ADGRL2: variants seen among roughly 807,000 people sequenced by gnomAD.
ADGRL2 encodes adhesion G protein-coupled receptor L2.
In ADGRL2, 44 loss-of-function variants were observed where a neutral mutation model predicts 157.4. The ratio of observed to expected loss-of-function variants is 0.28; its 90% CI spans 0.22 to 0.36. The LOEUF is 0.36. Ranked by LOEUF, ADGRL2 falls within the 10% of genes least tolerant of loss-of-function variation. The pLI, the probability that ADGRL2 is intolerant of heterozygous loss-of-function variation, is 1.00. For missense variants in ADGRL2, 1,510 were observed against 1,768.9 expected (o/e 0.85, Z 2.63); for synonymous variants, 585 against 624.7 (o/e 0.94, Z 0.95).
intron 2 of ADGRL2, among the ~76,000 whole-genome samples, chr1:81,458,042 A>G (rs2077842173): frequency 6.6e-6 from 1 of 152,210 alleles, no homozygotes; most frequent in African/African-American, 2.4e-5. Flanking sequence ...CAAAGGCTCA[A>G]TATGAAAAAT....
In ADGRL2 at chr1:81,912,063, A is replaced by AT. The variant is rs200749186; in HGVS notation, c.287+4842dup. On this transcript the variant is annotated intron_variant, in intron 3 of 23. Coordinates refer to ENST00000686636, the MANE Select transcript of ADGRL2 (RefSeq NM_001366006.2). ...CTACTTACATTATGATGTTTCTTTT[A>AT]TTTTTTTTTATTTTTTATTTTTTTT... 1.9e-3 allele frequency among the ~76,000 whole-genome samples: 280 copies of AT among 149,148 alleles called. 2 individuals carry two copies. In the East Asian group the frequency reaches 0.044, roughly 23 times the overall value.
intron 3 of ADGRL2, among the ~76,000 whole-genome samples, chr1:81,910,698 A>G (rs1016274876): frequency 2.6e-5 from 4 of 151,222 alleles, no homozygotes; most frequent in Admixed American, 2.6e-4. Context: ...AAGATAGTAT[A>G]AATAATTATT....
intron 2 of ADGRL2, among the ~76,000 whole-genome samples, chr1:81,794,231 A>T (rs2087481647): frequency 6.6e-6 from 1 of 152,142 alleles, no homozygotes; most frequent in Admixed American, 6.6e-5. Context: ...TGGGCTACTA[A>T]TTAGGGTAGT....
intron 3 of ADGRL2, among the ~76,000 whole-genome samples, chr1:81,612,683 A>G (rs1471520233): frequency 6.6e-6 from 1 of 152,092 alleles, no homozygotes; most frequent in Middle Eastern, 3.2e-3. Context: ...GCAAAATAAT[A>G]TATCAAAAAG....
At chr1:81,817,500 C>T (rs2090533484) in intron 1 of ADGRL2, among the ~76,000 whole-genome samples, 1 of 151,804 alleles carries the variant, frequency 6.6e-6, no homozygotes. Context: ...AATTGAAGAT[C>T]GTTCTCAATT....
At chr1:81,725,854 A>G (rs2133110) in intron 1 of ADGRL2, among the ~76,000 whole-genome samples, 116,715 of 152,000 alleles carry the variant, frequency 0.77, 45,229 homozygotes, top group African/African-American at 0.82. Context: ...GACATGGTGC[A>G]CGCCGGTAGT....
chr1:81,453,823 A>G (rs936359810), intron 2 of ADGRL2, among the ~76,000 whole-genome samples: 2 of 152,216 alleles, frequency 1.3e-5, no homozygotes, highest in African/African-American at 4.8e-5. Context: ...TTAAGGACAA[A>G]ACACATAAAT....
At chr1:81,435,940 T>C (rs2077401446) in intron 1 of ADGRL2, among the ~76,000 whole-genome samples, 1 of 151,792 alleles carries the variant, frequency 6.6e-6, no homozygotes, top group Admixed American at 6.6e-5. Flanking sequence ...CTACTAAAAA[T>C]ACAAAATTAG....
chr1:81,813,226 G>T (rs980428645), intron 1 of ADGRL2, among the ~76,000 whole-genome samples: 1 of 145,280 alleles, frequency 6.9e-6, no homozygotes, highest in African/African-American at 2.5e-5. Flanking sequence ...TTGTTGGTTG[G>T]TAAAAAATAG....
intron 2 of ADGRL2, among the ~76,000 whole-genome samples, chr1:81,844,973 A>G (rs1243685471): frequency 2.6e-5 from 4 of 152,158 alleles, no homozygotes; most frequent in Non-Finnish European, 5.9e-5. Context: ...AAAAATTAAG[A>G]TAAAACTTTT....
chr1:81,421,711 G>A (rs1456741857), intron 1 of ADGRL2, among the ~76,000 whole-genome samples: 1 of 128,472 alleles, frequency 7.8e-6, no homozygotes, highest in African/African-American at 2.9e-5. Flanking sequence ...TTTTTTTTTT[G>A]CCTCCCCAGA....
chr1:81,834,416 A>G (rs901751543), intron 1 of ADGRL2, among the ~76,000 whole-genome samples: 17 of 152,150 alleles, frequency 1.1e-4, no homozygotes, highest in African/African-American at 4.1e-4. Context: ...TATCTATGCC[A>G]GTGGTTTGGC....
intron 1 of ADGRL2, among the ~76,000 whole-genome samples, chr1:81,377,552 A>C (rs996018379): frequency 6.6e-5 from 10 of 152,138 alleles, no homozygotes; most frequent in Non-Finnish European, 1.3e-4. Flanking sequence ...AGCAACGTAG[A>C]GTTAAAAACC....
At chr1:81,587,875 G>T (rs960960640) in intron 3 of ADGRL2, among the ~76,000 whole-genome samples, 2 of 152,050 alleles carry the variant, frequency 1.3e-5, no homozygotes, top group African/African-American at 4.8e-5. Context: ...AACAAAACTG[G>T]CAACCTCAAT....
chr1:81,760,546 C>A (rs2085841882), intron 1 of ADGRL2, among the ~76,000 whole-genome samples: 1 of 151,770 alleles, frequency 6.6e-6, no homozygotes, highest in Non-Finnish European at 1.5e-5. Context: ...CTTGGTCTGC[C>A]TAAACTTTCT....
intron 3 of ADGRL2, among the ~76,000 whole-genome samples, chr1:81,583,319 G>A (rs993207441): frequency 6.6e-6 from 1 of 152,070 alleles, no homozygotes; most frequent in Non-Finnish European, 1.5e-5. Context: ...AATAAAGGTG[G>A]TAGTTCATTT....
At chr1:81,382,954 C>T (rs978269125) in intron 1 of ADGRL2, among the ~76,000 whole-genome samples, 1 of 152,168 alleles carries the variant, frequency 6.6e-6, no homozygotes, top group Non-Finnish European at 1.5e-5. Flanking sequence ...AATTGTTTTA[C>T]TTGTATGCCT....
intron 1 of ADGRL2, among the ~76,000 whole-genome samples, chr1:81,411,140 A>G (rs1177648923): frequency 1.3e-5 from 2 of 152,244 alleles, no homozygotes; most frequent in African/African-American, 2.4e-5. Context: ...CATTCTATGA[A>G]TAGCTGCAAC....
At chr1:81,776,596 T>C (rs1402403265) in intron 2 of ADGRL2, among the ~76,000 whole-genome samples, 1 of 152,222 alleles carries the variant, frequency 6.6e-6, no homozygotes, top group East Asian at 1.9e-4. Context: ...ACAACCACTC[T>C]TAACATTGTA....
Sources: allele counts gnomAD v4.1 joint callset (sites outside exome capture counted in the v4.1 genomes callset), GRCh38; gene constraint gnomAD v4.1.1; transcripts MANE v1.5; gene names NCBI Gene and HGNC (gene_info 2026-07-23, HGNC 2026-07-21).